The following DACT1 variants were observed in gnomAD, a reference collection of about 807,000 sequenced individuals.
DACT1 encodes the protein dapper homolog 1.
Under a neutral mutation model 35.3 loss-of-function variants are expected in DACT1, and 19 were observed. The ratio of observed to expected loss-of-function variants is 0.54; its 90% CI spans 0.38 to 0.79. DACT1 has a LOEUF of 0.79. Among genes scored for constraint, DACT1 ranks in the 30% least tolerant of loss-of-function variants. DACT1 has a pLI of 0.00. For synonymous variants in DACT1, 545 were observed against 466.7 expected, an observed-to-expected ratio of 1.17 and a Z score of -2.16; for missense variants, 1,143 against 1,057.5, an observed-to-expected ratio of 1.08 and a Z score of -1.12.
At position 58,638,082 on chromosome 14, in the gene DACT1, G is replaced by T; in HGVS notation, c.-121G>T. The T allele has an allele frequency of 9.2e-7, 1 of 1,083,256 alleles. No individual in the cohort carries two copies. Among genetic ancestry groups the T allele is most frequent in the Non-Finnish European group, 1.2e-6 (1 of 863,638 alleles). 67.1% of individuals were successfully genotyped at this position (1,083,256 alleles called of 1,614,324 possible). A position where few individuals can be genotyped will look rare whatever the true frequency, so the allele number is the denominator to read the frequency against. On this transcript the variant is annotated 5_prime_UTR_variant, in exon 1 of 4. Transcript: ENST00000395153. Reference sequence around the variant, plus strand: ...TCGAGGGCTTCTAGCCACCGTCCCCGCCAGCGCCGCGCCCCGCCACAGGGC... The same window carrying T: ...TCGAGGGCTTCTAGCCACCGTCCCCTCCAGCGCCGCGCCCCGCCACAGGGC...
At chr14:58,638,956 C>T (rs2047602031) in intron 1 of DACT1, 1 of 988,364 alleles carries the variant, frequency 1.0e-6, no homozygotes, top group Non-Finnish European at 1.2e-6. Flanking sequence ...GACTTTATCT[C>T]CTCCCGCCGA....
chr14:58,646,582 G>A lies in DACT1; in HGVS notation c.1848G>A (p.Ala616=). 1.9e-6 allele frequency: 3 copies of A among 1,577,950 alleles called. No homozygotes were observed. Among genetic ancestry groups the A allele is most frequent in the Non-Finnish European group, 2.6e-6 (3 of 1,162,494 alleles). The change falls in exon 4 of 4, where the codon GCG becomes GCA. Residue 616 remains alanine, a synonymous_variant. Coordinates refer to ENST00000395153, the MANE Select transcript of DACT1 (RefSeq NM_001079520.2). The part of the protein sequence containing the change: ...PGRPAGGGHR[A]GSRAHGHGRE... ...GGCCCGCGGGCGGGGGCCACAGGGC[G>A]GGGAGCAGGGCGCATGGCCACGGAC...
chr14:58,646,648 C>CTA lies in DACT1; in HGVS notation c.1915_1916dup (p.Arg640ThrfsTer16). The CTA allele has an allele frequency of 6.2e-7, 1 of 1,611,980 alleles. No individual in the cohort carries two copies. The highest frequency in any genetic ancestry group is 8.5e-7 in the Non-Finnish European group (1 of 1,179,428). On this transcript the variant is annotated frameshift_variant, in exon 4 of 4. Transcript: ENST00000395153. LOFTEE classifies it high-confidence loss of function. ...CCAAACCTAAGCACAAGCGAACTGA[C>CTA]TACCGGCGGTGGAAGTCCTCGGCCG...
rs2047667199 is a variant in DACT1, at chr14:58,645,621, C to T, written c.887C>T (p.Ser296Leu). 2 of 1,614,090 alleles carry T rather than the reference C, an allele frequency of 1.2e-6. No individual in the cohort carries two copies. Among genetic ancestry groups the T allele is most frequent in the Non-Finnish European group, 1.7e-6 (2 of 1,180,046 alleles). ...AGTCTGTGGTCTGCTTCCCATCCTT[C>T]ATCCAGCAAGAAAATGGATGGCTAC... Reference protein sequence around the residue: ...PSSLWSASHPSSSKKMDGYIL... With the variant: ...PSSLWSASHPLSSKKMDGYIL... The change falls in exon 4 of 4, where the codon TCA becomes TTA. Residue 296 changes from serine to leucine, a missense_variant. Coordinates refer to ENST00000395153, the MANE Select transcript of DACT1 (RefSeq NM_001079520.2).
chr14:58,636,020 ATAAAG>A (rs1377252243), upstream of DACT1, among the ~76,000 whole-genome samples: 1 of 152,228 alleles, frequency 6.6e-6, no homozygotes, highest in Non-Finnish European at 1.5e-5. Flanking sequence ...TTCCTATATT[ATAAAG>A]TAGTGTTTGG....
rs780338769 is a variant in DACT1, at chr14:58,645,876, AGTGGTC to A, written c.1144_1149del (p.Trp382_Ser383del). 1 of 1,614,232 alleles carries A rather than the reference AGTGGTC, an allele frequency of 6.2e-7. No individual in the cohort carries two copies. The highest frequency in any genetic ancestry group is 1.1e-5 in the South Asian group (1 of 91,088). ...AATGGGACATTCTCCCCACCGAAGC[AGTGGTC>A]GAAAGAATCAAAGGCCGAACAAGCC... On this transcript the variant is annotated inframe_deletion, in exon 4 of 4. Transcript: ENST00000395153.
At chr14:58,640,928 T>C in intron 2 of DACT1, 60 bp downstream of exon 2, 3 of 1,590,892 alleles carry the variant, frequency 1.9e-6, no homozygotes, top group Non-Finnish European at 2.6e-6. Flanking sequence ...CAGCCCCTTG[T>C]GGTTAACATT....
upstream of DACT1, among the ~76,000 whole-genome samples, chr14:58,637,868 G>A (rs994063022): frequency 6.6e-6 from 1 of 151,732 alleles, no homozygotes; most frequent in African/African-American, 2.4e-5. Context: ...AAGCCTGGGG[G>A]CGCAAGCGTC....
chr14:58,641,208 GT>G (rs59251200), intron 2 of DACT1, among the ~76,000 whole-genome samples: 126 of 146,584 alleles, frequency 8.6e-4, no homozygotes, highest in Middle Eastern at 3.5e-3. Flanking sequence ...CACTTCAAAA[GT>G]TTTTTTTTTT....
rs758373882 is a variant in DACT1, at chr14:58,646,218, T to A, written c.1484T>A (p.Val495Glu). The A allele has an allele frequency of 6.2e-7, 1 of 1,613,850 alleles. No individual in the cohort carries two copies. Among genetic ancestry groups the A allele is most frequent in the East Asian group, 2.2e-5 (1 of 44,874 alleles). The change falls in exon 4 of 4, where the codon GTG becomes GAG. Residue 495 changes from valine to glutamate, a missense_variant. Physicochemically the swap from Val to Glu is moderately radical, Grantham distance 121. Around this residue, in one of 3 missense-constraint regions of DACT1, gnomAD observed 1,054 missense variants for 958.8 expected, o/e 1.10. Transcript: ENST00000395153. ...CCCCTGCTGTCTACAGCTTTCCCCG[T>A]GGAAGAGAGGCCTGCCTTGGATTTC... ...TPPLLSTAFPVEERPALDFKS... is the reference protein window; with the variant it reads ...TPPLLSTAFPEEERPALDFKS...
At position 58,638,439 on chromosome 14, in the gene DACT1, G is replaced by A; in HGVS notation, c.237G>A (p.Ala79=). The part of the protein sequence containing the change: ...VRGALRGAGG[A]GAAAPRAGEL... ...GCGCCCTGCGCGGCGCCGGGGGTGC[G>A]GGAGCCGCTGCGCCCCGCGCTGGGG... The change falls in exon 1 of 4, where the codon GCG becomes GCA. Residue 79 remains alanine (A), a synonymous_variant. Transcript: ENST00000395153. The A allele has an allele frequency of 7.5e-7, 1 of 1,337,040 alleles. No homozygotes were observed. Among genetic ancestry groups the A allele is most frequent in the Non-Finnish European group, 9.6e-7 (1 of 1,040,756 alleles). The allele number at this position is 1,337,040 out of a possible 1,614,324, so 82.8% of individuals were successfully genotyped here.
At chr14:58,639,000 G>A in intron 1 of DACT1, 1 of 985,758 alleles carries the variant, frequency 1.0e-6, no homozygotes, top group Non-Finnish European at 1.2e-6. Flanking sequence ...GGTTTGTGGC[G>A]TGCTTAACTG....
intron 3 of DACT1, chr14:58,645,132 A>C (rs752523185): frequency 4.0e-6 from 3 of 753,922 alleles, no homozygotes; most frequent in Non-Finnish European, 6.5e-6. Flanking sequence ...GTGAAATGGT[A>C]GGGCAGCACT....
Position 58,641,679 on chromosome 14 carries a change from C to G in DACT1, c.566C>G (p.Ser189Cys). 1 of 1,614,226 alleles carries G rather than the reference C, an allele frequency of 6.2e-7. No individual in the cohort carries two copies. The highest frequency in any genetic ancestry group is 8.5e-7 in the Non-Finnish European group (1 of 1,180,046). Residue 189 changes from serine (S) to cysteine (C), a missense_variant, in exon 3 of 4, where the codon TCC becomes TGC. Ser to Cys is a moderately radical substitution (Grantham distance 112). Around this residue, in one of 3 missense-constraint regions of DACT1, gnomAD observed 1,054 missense variants for 958.8 expected, o/e 1.10. Transcript: ENST00000395153. The stretch of plus-strand genomic sequence containing the variant: ...AGTGAGTGTTTATCCAGTTGTCATT[C>G]CAGCACCTGCTTTTGCAGCCCCTTG... ...VFSECLSSCH[S>C]STCFCSPLEA...
chr14:58,637,078 G>T (rs969767499), upstream of DACT1, among the ~76,000 whole-genome samples: 4 of 152,218 alleles, frequency 2.6e-5, no homozygotes, highest in African/African-American at 9.6e-5. Flanking sequence ...CCCTTTTACA[G>T]TGGGGGGAAC....
chr14:58,644,710 G>A (rs1314915426), intron 3 of DACT1, among the ~76,000 whole-genome samples: 1 of 152,148 alleles, frequency 6.6e-6, no homozygotes, highest in Non-Finnish European at 1.5e-5. Flanking sequence ...CCTACTGAAC[G>A]TACAGTTTAT....
intron 1 of DACT1, chr14:58,639,140 C>CT: frequency 1.0e-6 from 1 of 985,408 alleles, no homozygotes. Context: ...TTGTATAAGG[C>CT]AGCTCAAACT....
At position 58,646,912 on chromosome 14, in the gene DACT1, G is replaced by C; in HGVS notation, c.2178G>C (p.Glu726Asp). Residue 726 changes from glutamate to aspartate, a missense_variant, in exon 4 of 4, where the codon GAG (glutamate) becomes GAC (aspartate). By Grantham distance (45) the Glu-to-Asp change is conservative. This residue lies in a region of DACT1 where 1,054 missense variants were observed against 958.8 expected (regional missense o/e 1.10). Coordinates refer to ENST00000395153, the MANE Select transcript of DACT1 (RefSeq NM_001079520.2). Reference protein sequence around the residue: ...CFGDSESSVSEGEFVGESTTT... With the variant: ...CFGDSESSVSDGEFVGESTTT... ...GGGACAGCGAGTCGAGTGTGAGCGAGGGCGAGTTCGTGGGGGAGAGCACAA... is the reference window on the plus strand; with the variant it reads ...GGGACAGCGAGTCGAGTGTGAGCGACGGCGAGTTCGTGGGGGAGAGCACAA... 2 of 1,614,204 alleles carry C rather than the reference G, an allele frequency of 1.2e-6. No individual in the cohort carries two copies. Among genetic ancestry groups the C allele is most frequent in the Non-Finnish European group, 1.7e-6 (2 of 1,180,046 alleles).
At chr14:58,636,995 C>T (rs2047576889), upstream of DACT1, among the ~76,000 whole-genome samples, 1 of 152,184 alleles carries the variant, frequency 6.6e-6, no homozygotes, top group African/African-American at 2.4e-5. Context: ...TGTAAGTGCA[C>T]AGCCCCCACA....
Sources: gnomAD v4.1 joint callset for allele counts (sites outside exome capture counted in the v4.1 genomes callset) on GRCh38, gnomAD v4.1.1 for gene constraint, gnomAD v4.1.1 regional missense constraint, MANE v1.5 for transcripts, NCBI Gene and HGNC (gene_info 2026-07-23, HGNC 2026-07-21) for gene names.